The following KCNC2 variants were observed in gnomAD, a reference collection of about 807,000 sequenced individuals.
KCNC2 encodes voltage-gated potassium channel KCNC2.
A neutral mutation model predicts 44.5 loss-of-function variants in KCNC2; 21 were observed. The observed-to-expected ratio is 0.47, with a 90% CI of 0.33 to 0.68. KCNC2 has a LOEUF of 0.68. Ranked by LOEUF, KCNC2 falls within the 30% of genes least tolerant of loss-of-function variation. The pLI is 0.01. For missense variants in KCNC2, 589 were observed against 826.2 expected, an observed-to-expected ratio of 0.71 and a Z score of 3.52; for synonymous variants, 391 against 339.1, an observed-to-expected ratio of 1.15 and a Z score of -1.68.
intron 2 of KCNC2, among the ~76,000 whole-genome samples, chr12:75,181,148 C>G (rs1204591672): frequency 6.6e-6 from 1 of 151,982 alleles, no homozygotes; most frequent in African/African-American, 2.4e-5. Flanking sequence ...AAGAAAAAAA[C>G]TAAAAGATCA....
At chr12:75,069,353 C>T (rs1883168795) in intron 2 of KCNC2, among the ~76,000 whole-genome samples, 1 of 151,830 alleles carries the variant, frequency 6.6e-6, no homozygotes, top group African/African-American at 2.4e-5. Flanking sequence ...TCAGGCTGGT[C>T]TCGAACTCCC....
rs200072559 is a variant in KCNC2 at position 75,209,663 on chromosome 12, A to C, written c.-476T>G. ...ATCTGCAGATTTTGTTTCTCCCCCA[A>C]ATCAGCCACTGCTGGAGCTGTCCCT... is the stretch of plus-strand genomic sequence containing the variant. On this transcript the variant is annotated 5_prime_UTR_variant, in exon 1 of 5. The change creates a new upstream start codon in the 5' untranslated region. Transcript: ENST00000549446. 2 of 152,276 alleles carry C rather than the reference A, an allele frequency of 1.3e-5. No individual in the cohort carries two copies. The highest frequency in any genetic ancestry group is 4.8e-5 in the African/African-American group (2 of 41,348). 9.4% of individuals were successfully genotyped at this position (152,276 alleles called of 1,614,324 possible). A position where few individuals can be genotyped will look rare whatever the true frequency, so the allele number is the denominator to read the frequency against.
At chr12:75,070,224 C>T (rs951584792) in intron 2 of KCNC2, among the ~76,000 whole-genome samples, 3 of 152,012 alleles carry the variant, frequency 2.0e-5, no homozygotes, top group South Asian at 2.1e-4. Flanking sequence ...CCGAGGCAGG[C>T]GGATTGCTTG....
Position 75,042,997 on chromosome 12 carries a change from T to G in KCNC2, c.*108A>C. 6.7e-7 allele frequency: 1 copy of G among 1,493,528 alleles called. No individual in the cohort carries two copies. Among genetic ancestry groups the G allele is most frequent in the Non-Finnish European group, 8.9e-7 (1 of 1,122,730 alleles). The allele number at this position is 1,493,528 out of a possible 1,614,324, so 92.5% of individuals were successfully genotyped here. A position where few individuals can be genotyped will look rare whatever the true frequency, so the allele number is the denominator to read the frequency against. ...TTGTAGTATCATGCAAGATTTATAC[T>G]GTATTAATGGAGCCTGGAGTAACTC... On this transcript the variant is annotated 3_prime_UTR_variant, in exon 5 of 5. Transcript: ENST00000549446.
At chr12:75,135,679 A>G (rs1331369525) in intron 2 of KCNC2, among the ~76,000 whole-genome samples, 1 of 152,052 alleles carries the variant, frequency 6.6e-6, no homozygotes, top group East Asian at 1.9e-4. Flanking sequence ...GTTCTGTGAA[A>G]AACAGCCTTA....
chr12:75,149,441 A>G (rs1027021401), intron 2 of KCNC2, among the ~76,000 whole-genome samples: 9 of 151,848 alleles, frequency 5.9e-5, no homozygotes, highest in African/African-American at 2.2e-4. Flanking sequence ...TCAAGAAACT[A>G]TATACCATTT....
chr12:75,075,604 G>A (rs558409210), intron 2 of KCNC2, among the ~76,000 whole-genome samples: 32 of 151,738 alleles, frequency 2.1e-4, no homozygotes, highest in Non-Finnish European at 4.0e-4. Context: ...ATCTGTGGGG[G>A]TTGCGTAGAA....
chr12:75,130,877 A>T (rs1888795467), intron 2 of KCNC2, among the ~76,000 whole-genome samples: 2 of 152,076 alleles, frequency 1.3e-5, no homozygotes, highest in Non-Finnish European at 2.9e-5. Context: ...AATCCATATC[A>T]GCTCACTGGC....
rs190676100 is a variant in KCNC2, at chr12:75,200,216, G to A, written c.687+7081C>T. Among the ~76,000 whole-genome samples, 65 of 151,916 alleles carry A rather than the reference G, an allele frequency of 4.3e-4. No individual in the cohort carries two copies. The East Asian group carries it at 0.012, about 27-fold the overall frequency. ...TAGTGTTAAACACAGTATAAACTAA[G>A]CAATCAAAATTGAACAGAATGAACA... is the stretch of plus-strand genomic sequence containing the variant. On this transcript the variant is annotated intron_variant, in intron 2 of 4. Transcript: ENST00000549446.
At chr12:75,057,902 T>A (rs1199846652) in intron 2 of KCNC2, among the ~76,000 whole-genome samples, 1 of 151,938 alleles carries the variant, frequency 6.6e-6, no homozygotes, top group Non-Finnish European at 1.5e-5. Context: ...ACATATACAA[T>A]CCTTCCTCTA....
At chr12:75,130,261 C>A (rs1422190497) in intron 2 of KCNC2, among the ~76,000 whole-genome samples, 1 of 152,106 alleles carries the variant, frequency 6.6e-6, no homozygotes, top group Admixed American at 6.6e-5. Flanking sequence ...TCTTTCAATT[C>A]TTCATCCTCC....
intron 2 of KCNC2, among the ~76,000 whole-genome samples, chr12:75,152,752 T>C (rs527543974): frequency 1.3e-5 from 2 of 152,090 alleles, no homozygotes; most frequent in Admixed American, 6.6e-5. Flanking sequence ...GGAAGGGCCA[T>C]AGAGTTGGAG....
chr12:75,087,432 G>A (rs1885119516), intron 2 of KCNC2, among the ~76,000 whole-genome samples: 1 of 152,040 alleles, frequency 6.6e-6, no homozygotes, highest in Admixed American at 6.6e-5. Flanking sequence ...GATGCTCTTA[G>A]CAATCTTATA....
chr12:75,045,881 A>G (rs1880447121), intron 4 of KCNC2, among the ~76,000 whole-genome samples: 1 of 151,908 alleles, frequency 6.6e-6, no homozygotes, highest in Admixed American at 6.6e-5. Context: ...ATTTTCACTT[A>G]CAGAGAGAAT....
At chr12:75,157,225 G>A (rs1688386978) in intron 2 of KCNC2, among the ~76,000 whole-genome samples, 1 of 151,984 alleles carries the variant, frequency 6.6e-6, no homozygotes, top group African/African-American at 2.4e-5. Context: ...CAGTGGGCAA[G>A]CTTTCCATTT....
At chr12:75,065,655 A>G (rs374900198) in intron 2 of KCNC2, among the ~76,000 whole-genome samples, 77 of 152,188 alleles carry the variant, frequency 5.1e-4, no homozygotes, top group African/African-American at 1.6e-3. Context: ...TTTGTAGCTT[A>G]AAAGGATTAG....
intron 2 of KCNC2, among the ~76,000 whole-genome samples, chr12:75,092,837 A>T (rs895142724): frequency 6.6e-6 from 1 of 151,690 alleles, no homozygotes; most frequent in Non-Finnish European, 1.5e-5. Flanking sequence ...TAATAAAAAG[A>T]ACAAGTTAAT....
chr12:75,104,322 C>A (rs1263466245), intron 2 of KCNC2, among the ~76,000 whole-genome samples: 1 of 152,090 alleles, frequency 6.6e-6, no homozygotes, highest in Non-Finnish European at 1.5e-5. Context: ...CAGGATGGAG[C>A]AAGATTTCAT....
intron 2 of KCNC2, among the ~76,000 whole-genome samples, chr12:75,198,395 A>G (rs1348006735): frequency 6.6e-6 from 1 of 151,908 alleles, no homozygotes; most frequent in East Asian, 1.9e-4. Flanking sequence ...TTCTGTTTGT[A>G]CAGAGAAAAG....
Sources: gnomAD v4.1 joint callset for allele counts (sites outside exome capture counted in the v4.1 genomes callset) on GRCh38, gnomAD v4.1.1 for gene constraint, MANE v1.5 for transcripts, NCBI Gene and HGNC (gene_info 2026-07-23, HGNC 2026-07-21) for gene names.